The following GNAQ variants were observed in gnomAD, a reference collection of about 807,000 sequenced individuals.
GNAQ encodes the protein G protein subunit alpha q.
GNAQ carries 8 observed loss-of-function variants against 43.9 expected under a neutral mutation model. The ratio of observed to expected loss-of-function variants is 0.18; its 90% confidence interval spans 0.11 to 0.33. The LOEUF (loss-of-function observed/expected upper bound fraction) is 0.33, where lower values mean the gene tolerates loss of function less well. GNAQ is among the 10% of genes least tolerant of loss of function. The pLI is 1.00. For synonymous variants in GNAQ, 155 were observed against 170.7 expected (o/e 0.91, Z 0.71); for missense variants, 158 against 450.8 (o/e 0.35, Z 5.88).
chr9:77,751,762 A>C (rs1231480031), intron 5 of GNAQ, among the ~76,000 whole-genome samples: 2 of 152,216 alleles, frequency 1.3e-5, no homozygotes, highest in Non-Finnish European at 2.9e-5. Context: ...ACAACTAGGA[A>C]ACGAGGCAAG....
intron 2 of GNAQ, among the ~76,000 whole-genome samples, chr9:77,832,268 G>T (rs1458063504): frequency 6.6e-6 from 1 of 152,136 alleles, no homozygotes; most frequent in East Asian, 1.9e-4. Context: ...CAAGGACACT[G>T]TATTTTTCCT....
Position 77,778,532 on chromosome 9 carries a change from CA to C in GNAQ, c.735+15930del, listed in dbSNP as rs138747698. ...GGAAGACAAAAATAGGAATAAAGAA[CA>C]AGGGCAAACTAGAAAACAATAATGA... On this transcript the variant is annotated intron_variant, in intron 5 of 6. Transcript: ENST00000286548. Among the ~76,000 whole-genome samples, 69 of 151,742 alleles carry C rather than the reference CA, an allele frequency of 4.5e-4. 2 individuals carry two copies. The highest frequency in any genetic ancestry group is 1.7e-3 in the African/African-American group (69 of 41,440).
intron 2 of GNAQ, among the ~76,000 whole-genome samples, chr9:77,904,157 C>T (rs1356796794): frequency 1.3e-5 from 2 of 152,080 alleles, no homozygotes; most frequent in Non-Finnish European, 2.9e-5. Flanking sequence ...GATTAATGAT[C>T]TATCCTGCAT....
intron 1 of GNAQ, among the ~76,000 whole-genome samples, chr9:77,943,379 T>C (rs888292893): frequency 1.2e-4 from 19 of 152,182 alleles, no homozygotes; most frequent in African/African-American, 4.3e-4. Context: ...TGTAACAGAT[T>C]TGCAAATGTA....
chr9:77,785,911 G>T (rs993475412), intron 5 of GNAQ, among the ~76,000 whole-genome samples: 1 of 151,972 alleles, frequency 6.6e-6, no homozygotes, highest in African/African-American at 2.4e-5. Context: ...AGAACTAGAT[G>T]GACAGATTTC....
intron 5 of GNAQ, among the ~76,000 whole-genome samples, chr9:77,772,773 A>G (rs115662944): frequency 3.3e-4 from 50 of 152,358 alleles, no homozygotes; most frequent in African/African-American, 1.2e-3. Flanking sequence ...GTAATAGAAC[A>G]TGTAAACAGA....
intron 2 of GNAQ, among the ~76,000 whole-genome samples, chr9:77,879,460 C>T (rs1321774488): frequency 3.3e-5 from 5 of 152,178 alleles, no homozygotes; most frequent in East Asian, 1.9e-4. Context: ...GGTTTCACCA[C>T]GTTGGCCTCA....
intron 2 of GNAQ, among the ~76,000 whole-genome samples, chr9:77,860,810 G>A (rs1055542899): frequency 3.9e-5 from 6 of 152,098 alleles, no homozygotes; most frequent in African/African-American, 1.2e-4. Context: ...CAGGCTAGAT[G>A]TACTCCCAGC....
In GNAQ at chr9:77,992,453, G is replaced by GT. The variant is rs756651612; in HGVS notation, c.136+38646dup. Among the ~76,000 whole-genome samples, 10 of 152,014 alleles carry GT rather than the reference G, an allele frequency of 6.6e-5. No homozygotes were observed. In the East Asian group the frequency reaches 9.7e-4, roughly 15 times the overall value. On this transcript the variant is annotated intron_variant, in intron 1 of 6. Coordinates refer to ENST00000286548, the MANE Select transcript of GNAQ (RefSeq NM_002072.5). ...GGATGAACACAAAATAGTGAAATTT[G>GT]TTTTTTTAATTTTTTAAACCTTCTT...
intron 4 of GNAQ, among the ~76,000 whole-genome samples, chr9:77,794,815 T>C (rs1463718963): frequency 1.3e-5 from 2 of 152,182 alleles, no homozygotes; most frequent in Non-Finnish European, 2.9e-5. Context: ...TTAAGAAAGT[T>C]ACCAGTGTGT....
chr9:78,013,084 C>T (rs1823793297), intron 1 of GNAQ, among the ~76,000 whole-genome samples: 2 of 152,048 alleles, frequency 1.3e-5, no homozygotes, highest in African/African-American at 4.8e-5. Flanking sequence ...GCTAGGAATC[C>T]GTAATCAGGA....
At chr9:77,980,379 GA>G (rs1823354139) in intron 1 of GNAQ, among the ~76,000 whole-genome samples, 1 of 152,060 alleles carries the variant, frequency 6.6e-6, no homozygotes, top group Non-Finnish European at 1.5e-5. Flanking sequence ...CAGGTCCTAA[GA>G]AAATATGAGG....
chr9:78,022,290 G>A (rs1823920759), intron 1 of GNAQ, among the ~76,000 whole-genome samples: 1 of 152,168 alleles, frequency 6.6e-6, no homozygotes, highest in Non-Finnish European at 1.5e-5. Flanking sequence ...CTGCAAAGGG[G>A]AAGGAGAAAA....
In GNAQ at chr9:77,763,292, G is replaced by A. The variant is rs913939140; in HGVS notation, c.735+31171C>T. On this transcript the variant is annotated intron_variant, in intron 5 of 6. Transcript: ENST00000286548. ...GAAAAGGGAGCAGGATTTTAACATC[G>A]CTTTGCCTTCCACAACTATTATATG... Among the ~76,000 whole-genome samples the A allele has an allele frequency of 1.2e-4, 18 of 152,098 alleles. 1 individual carries two copies. The highest frequency in any genetic ancestry group is 4.3e-4 in the African/African-American group (18 of 41,406).
intron 5 of GNAQ, among the ~76,000 whole-genome samples, chr9:77,782,861 T>C (rs1020730140): frequency 6.6e-6 from 1 of 152,184 alleles, no homozygotes; most frequent in Non-Finnish European, 1.5e-5. Context: ...CAAATACTTA[T>C]CAGGAGAAGC....
intron 1 of GNAQ, among the ~76,000 whole-genome samples, chr9:77,972,078 G>A (rs938272490): frequency 7.2e-5 from 11 of 152,100 alleles, no homozygotes; most frequent in African/African-American, 2.4e-4. Context: ...TTTTCTAAAT[G>A]TACAATCGTG....
At chr9:77,929,992 CTGTCA>C (rs1829126560) in intron 1 of GNAQ, among the ~76,000 whole-genome samples, 1 of 152,140 alleles carries the variant, frequency 6.6e-6, no homozygotes, top group South Asian at 2.1e-4. Context: ...AAAAATTACC[CTGTCA>C]TAACACATTT....
At chr9:77,813,005 C>T (rs1301749627) in intron 3 of GNAQ, among the ~76,000 whole-genome samples, 5 of 151,928 alleles carry the variant, frequency 3.3e-5, no homozygotes, top group Non-Finnish European at 5.9e-5. Context: ...CTCTGCCTCC[C>T]GGGTTCAACC....
chr9:77,808,548 T>C (rs888911253), intron 3 of GNAQ, among the ~76,000 whole-genome samples: 1 of 151,922 alleles, frequency 6.6e-6, no homozygotes, highest in Non-Finnish European at 1.5e-5. Context: ...TTTTAGTAAT[T>C]TAATCATGTA....
Sources: allele counts gnomAD v4.1 joint callset (sites outside exome capture counted in the v4.1 genomes callset), GRCh38; gene constraint gnomAD v4.1.1; transcripts MANE v1.5; gene names NCBI Gene and HGNC (gene_info 2026-07-23, HGNC 2026-07-21).